Variants in FBXO33 observed in about 807,000 individuals in gnomAD.
The protein encoded by FBXO33 is F-box protein 33.
In FBXO33, 22 loss-of-function variants were observed where a neutral mutation model predicts 46.3. The observed-to-expected ratio is 0.48, with a 90% CI of 0.34 to 0.68. FBXO33 has a LOEUF of 0.68. Among genes scored for constraint, FBXO33 ranks in the 30% least tolerant of loss-of-function variants. The pLI is 0.01. For missense variants in FBXO33, 692 were observed against 708.8 expected, an observed-to-expected ratio of 0.98 and a Z score of 0.27; for synonymous variants, 337 against 291.3, an observed-to-expected ratio of 1.16 and a Z score of -1.60.
chr14:39,404,098 A>G (rs1047403020), intron 1 of FBXO33, among the ~76,000 whole-genome samples: 1 of 152,134 alleles, frequency 6.6e-6, no homozygotes, highest in Non-Finnish European at 1.5e-5. Context: ...CCTTAATTTC[A>G]CGGAAAAGCC....
chr14:39,426,623 C>T (rs1424785183), intron 1 of FBXO33, among the ~76,000 whole-genome samples: 1 of 152,208 alleles, frequency 6.6e-6, no homozygotes, highest in Admixed American at 6.5e-5. Flanking sequence ...TCATTTTCAT[C>T]CTCACTTGCC....
chr14:39,429,430 T>G (rs1367516472), intron 1 of FBXO33, among the ~76,000 whole-genome samples: 1 of 152,236 alleles, frequency 6.6e-6, no homozygotes, highest in Admixed American at 6.5e-5. Flanking sequence ...AATAATAGGC[T>G]TTACTAGTCA....
At chr14:39,407,783 T>G (rs1263950695) in intron 1 of FBXO33, among the ~76,000 whole-genome samples, 1 of 152,246 alleles carries the variant, frequency 6.6e-6, no homozygotes, top group Non-Finnish European at 1.5e-5. Context: ...TTTGAGATCC[T>G]GATTACACTC....
intron 1 of FBXO33, among the ~76,000 whole-genome samples, chr14:39,429,999 A>G (rs993075626): frequency 6.6e-6 from 1 of 152,240 alleles, no homozygotes; most frequent in African/African-American, 2.4e-5. Flanking sequence ...GGTCAAAGGC[A>G]CATACAGTGT....
chr14:39,430,538 G>A (rs1315219785), intron 1 of FBXO33, among the ~76,000 whole-genome samples: 1 of 151,976 alleles, frequency 6.6e-6, no homozygotes, highest in African/African-American at 2.4e-5. Context: ...TCCTATAAAG[G>A]GTCAGTTTCC....
intron 1 of FBXO33, among the ~76,000 whole-genome samples, chr14:39,418,803 A>T (rs1310665467): frequency 6.6e-6 from 1 of 152,000 alleles, no homozygotes; most frequent in Non-Finnish European, 1.5e-5. Context: ...AAAAAAAACA[A>T]ACTGCATCAC....
At chr14:39,407,647 C>T (rs561629888) in intron 1 of FBXO33, among the ~76,000 whole-genome samples, 5 of 152,126 alleles carry the variant, frequency 3.3e-5, no homozygotes, top group Admixed American at 3.3e-4. Flanking sequence ...TTTTTAAAGG[C>T]TTAATATTAT....
intron 1 of FBXO33, among the ~76,000 whole-genome samples, chr14:39,416,846 G>A (rs918850569): frequency 4.6e-5 from 7 of 151,494 alleles, no homozygotes; most frequent in African/African-American, 1.5e-4. Context: ...TTTTTAAATT[G>A]GTTACTAAAG....
At chr14:39,418,125 G>A (rs565469597) in intron 1 of FBXO33, among the ~76,000 whole-genome samples, 19 of 151,400 alleles carry the variant, frequency 1.3e-4, no homozygotes, top group South Asian at 8.4e-4. Flanking sequence ...ATGCAGTGGC[G>A]CGATCTCTGC....
At chr14:39,401,088 A>T in intron 3 of FBXO33, 88 bp downstream of exon 3, 1 of 1,170,570 alleles carries the variant, frequency 8.5e-7, no homozygotes, top group Non-Finnish European at 1.2e-6. Flanking sequence ...ATTTCTTGAT[A>T]CTATAAAGGT....
chr14:39,397,812 A>C lies in FBXO33; in HGVS notation c.*1704T>G, dbSNP rs1054511444. ...AATATACATTTAACATAAACCATAC[A>C]ACATCAGTCATCAGGTCAAACATTC... On this transcript the variant is annotated 3_prime_UTR_variant, in exon 4 of 4. Coordinates refer to ENST00000298097, the MANE Select transcript of FBXO33 (RefSeq NM_203301.4). 2 of 152,670 alleles carry C rather than the reference A, an allele frequency of 1.3e-5. No homozygotes were observed. Among genetic ancestry groups the C allele is most frequent in the African/African-American group, 2.4e-5 (1 of 41,464 alleles). 9.5% of individuals were successfully genotyped at this position (152,670 alleles called of 1,614,324 possible).
Position 39,399,510 on chromosome 14 carries a change from A to C in FBXO33, c.*6T>G. On this transcript the variant is annotated 3_prime_UTR_variant, in exon 4 of 4. Coordinates refer to ENST00000298097, the MANE Select transcript of FBXO33 (RefSeq NM_203301.4). ...GTAACCACAGGAATTCTACATTAAA[A>C]AAAAGCTAAATGTCTTCACTGAAGC... 1 of 1,601,444 alleles carries C rather than the reference A, an allele frequency of 6.2e-7. No individual in the cohort carries two copies. The highest frequency in any genetic ancestry group is 8.5e-7 in the Non-Finnish European group (1 of 1,172,588).
Position 39,431,581 on chromosome 14 carries a change from G to T in FBXO33, c.582C>A (p.Val194=). The T allele has an allele frequency of 6.2e-7, 1 of 1,612,756 alleles. No individual in the cohort carries two copies. The highest frequency in any genetic ancestry group is 1.1e-5 in the South Asian group (1 of 91,060). ...AAGCCTACCTGTTGTTCCGGATGCT[G>T]ACCAGCACGCAAAGCACCAGCTCCA... ...TYLELVLCVL[V]SIRNNRNLQK... is the part of the protein sequence containing the mutation. Residue 194 remains valine, a synonymous_variant, in exon 1 of 4, where the codon GTC becomes GTA. Coordinates refer to ENST00000298097, the MANE Select transcript of FBXO33 (RefSeq NM_203301.4).
chr14:39,411,405 T>A (rs544146030), intron 1 of FBXO33, among the ~76,000 whole-genome samples: 28 of 152,304 alleles, frequency 1.8e-4, no homozygotes, highest in African/African-American at 6.7e-4. Context: ...TTCTTCTTTC[T>A]TAACATAGGG....
rs997926052 is a variant in FBXO33 at position 39,431,999 on chromosome 14, C to CGCCGGCT, written c.157_163dup (p.Arg55GlnfsTer48). ...CCCGCACAGAGCCATCCGGCCCCGC[C>CGCCGGCT]GCCGGCTGCCGGCTCCCGGCCGCCC... On this transcript the variant is annotated frameshift_variant, in exon 1 of 4. Transcript: ENST00000298097. LOFTEE classifies it high-confidence loss of function. 1.4e-5 allele frequency: 20 copies of CGCCGGCT among 1,425,756 alleles called. No individual in the cohort carries two copies. The highest frequency in any genetic ancestry group is 1.1e-4 in the African/African-American group (7 of 65,850). 88.3% of individuals were successfully genotyped at this position (1,425,756 alleles called of 1,614,324 possible). A position where few individuals can be genotyped will look rare whatever the true frequency, so the allele number is the denominator to read the frequency against.
At chr14:39,424,284 A>G (rs1428639269) in intron 1 of FBXO33, among the ~76,000 whole-genome samples, 1 of 152,164 alleles carries the variant, frequency 6.6e-6, no homozygotes, top group African/African-American at 2.4e-5. Flanking sequence ...TCCTAAGTCC[A>G]CCATTCCCAT....
chr14:39,404,972 C>A (rs551883031), intron 1 of FBXO33, among the ~76,000 whole-genome samples: 1 of 151,734 alleles, frequency 6.6e-6, no homozygotes, highest in Non-Finnish European at 1.5e-5. Context: ...CATAGTGAAA[C>A]CCCATGTCTA....
intron 1 of FBXO33, among the ~76,000 whole-genome samples, chr14:39,416,290 C>T (rs1177815550): frequency 6.6e-6 from 1 of 151,796 alleles, no homozygotes; most frequent in African/African-American, 2.4e-5. Flanking sequence ...GCTTATCTCA[C>T]TTACCTTTAT....
intron 3 of FBXO33, 111 bp downstream of exon 3, chr14:39,401,064 CA>C (rs2075366362): frequency 3.0e-6 from 3 of 984,874 alleles, no homozygotes; most frequent in Non-Finnish European, 4.4e-6. Flanking sequence ...ATCTGTATAT[CA>C]ACTTGATACA....
Sources: gnomAD v4.1 joint callset for allele counts (sites outside exome capture counted in the v4.1 genomes callset) on GRCh38, gnomAD v4.1.1 for gene constraint, MANE v1.5 for transcripts, NCBI Gene and HGNC (gene_info 2026-07-23, HGNC 2026-07-21) for gene names.